Variants in LDLRAD4 observed in about 807,000 individuals in gnomAD.
LDLRAD4 encodes the protein low-density lipoprotein receptor class A domain-containing protein 4.
Under a neutral mutation model 17.0 loss-of-function variants are expected in LDLRAD4, and 5 were observed. The ratio of observed to expected loss-of-function variants is 0.29; its 90% CI spans 0.15 to 0.62. LDLRAD4 has a LOEUF of 0.62. Among genes scored for constraint, LDLRAD4 ranks in the 20% least tolerant of loss-of-function variants. LDLRAD4 has a pLI of 0.84. For missense variants in LDLRAD4, 340 were observed against 424.7 expected (o/e 0.80, Z 1.75); for synonymous variants, 168 against 171.8 (o/e 0.98, Z 0.17).
rs1354443316 is a variant in LDLRAD4 at position 13,588,651 on chromosome 18, G to A, written c.182-32466G>A. Among the ~76,000 whole-genome samples, 4 of 151,992 alleles carry A rather than the reference G, an allele frequency of 2.6e-5. No individual in the cohort carries two copies. The South Asian group carries it at 6.2e-4, about 24-fold the overall frequency. ...TCCTTTTCTCCCTCTGCTACTCGCCGGGTGTTTTTGTACGCAGCTTCCATT... is the reference window on the plus strand; with the variant it reads ...TCCTTTTCTCCCTCTGCTACTCGCCAGGTGTTTTTGTACGCAGCTTCCATT... On this transcript the variant is annotated intron_variant, in intron 3 of 5. Transcript: ENST00000359446.
At chr18:13,324,389 G>A (rs2081408809) in intron 1 of LDLRAD4, among the ~76,000 whole-genome samples, 1 of 151,956 alleles carries the variant, frequency 6.6e-6, no homozygotes. Context: ...TGATCCGCCT[G>A]CCTTGGCCTC....
intron 3 of LDLRAD4, among the ~76,000 whole-genome samples, chr18:13,530,479 G>A (rs1270468118): frequency 1.3e-5 from 2 of 152,216 alleles, no homozygotes; most frequent in African/African-American, 2.4e-5. Flanking sequence ...CTTGGGCAGC[G>A]TGTCCTTCTA....
At chr18:13,610,305 T>TTTTTTTTTTTTCTTTTTTTTTTTTC (rs1491536129) in intron 3 of LDLRAD4, among the ~76,000 whole-genome samples, 1 of 24,328 alleles carries the variant, frequency 4.1e-5, no homozygotes, top group Non-Finnish European at 8.7e-5. Flanking sequence ...TTTTTTTTTT[T>TTTTTTTTTTTTCTTTTTTTTTTTTC]GAGACGGAGT....
intron 3 of LDLRAD4, among the ~76,000 whole-genome samples, chr18:13,553,720 G>C (rs924257327): frequency 6.6e-6 from 1 of 152,066 alleles, no homozygotes; most frequent in Non-Finnish European, 1.5e-5. Flanking sequence ...GCTGATAACC[G>C]CGTCTGTCCT....
intron 3 of LDLRAD4, among the ~76,000 whole-genome samples, chr18:13,477,972 T>A (rs890119337): frequency 2.6e-5 from 4 of 152,258 alleles, no homozygotes; most frequent in Non-Finnish European, 5.9e-5. Context: ...CAAAGGCAGG[T>A]GCTTTTTACT....
At chr18:13,299,175 A>G (rs2046442702) in intron 1 of LDLRAD4, among the ~76,000 whole-genome samples, 1 of 152,236 alleles carries the variant, frequency 6.6e-6, no homozygotes, top group Non-Finnish European at 1.5e-5. Context: ...TGGATGGTGG[A>G]CGGGGTGACT....
At position 13,423,370 on chromosome 18, in the gene LDLRAD4, G is replaced by A. The variant is rs143671603; in HGVS notation, c.41-14874G>A. On this transcript the variant is annotated intron_variant, in intron 2 of 5. Coordinates refer to ENST00000359446, the Ensembl canonical transcript of LDLRAD4. ...TAGCCAGGCATGGTGGCGGGCTCCT[G>A]TAATCCTAGCTACTTAGGAAGCTGA... Among the ~76,000 whole-genome samples the A allele has an allele frequency of 5.9e-5, 9 of 152,056 alleles. No individual in the cohort carries two copies. The East Asian group carries it at 1.5e-3, about 26-fold the overall frequency.
At chr18:13,405,591 T>C (rs1229965981) in intron 2 of LDLRAD4, among the ~76,000 whole-genome samples, 3 of 150,732 alleles carry the variant, frequency 2.0e-5, no homozygotes, top group Non-Finnish European at 4.4e-5. Flanking sequence ...CCACCATGCC[T>C]GGCTAATTAA....
chr18:13,560,483 G>A (rs2148200235), intron 3 of LDLRAD4, among the ~76,000 whole-genome samples: 1 of 152,294 alleles, frequency 6.6e-6, no homozygotes, highest in Middle Eastern at 3.4e-3. Flanking sequence ...GGGATGACGG[G>A]GGCTGATGTC....
intron 3 of LDLRAD4, among the ~76,000 whole-genome samples, chr18:13,481,908 G>A (rs997974959): frequency 1.3e-5 from 2 of 152,142 alleles, no homozygotes; most frequent in Non-Finnish European, 2.9e-5. Flanking sequence ...GCAGGAGGGG[G>A]AAGGCAGAAG....
At chr18:13,443,855 G>A in intron 3 of LDLRAD4, among the ~76,000 whole-genome samples, 1 of 152,096 alleles carries the variant, frequency 6.6e-6, no homozygotes, top group East Asian at 1.9e-4. Context: ...CACCATTCCT[G>A]CCACGTGGTA....
At chr18:13,549,315 A>G (rs559480184) in intron 3 of LDLRAD4, among the ~76,000 whole-genome samples, 27 of 152,308 alleles carry the variant, frequency 1.8e-4, no homozygotes, top group African/African-American at 6.5e-4. Context: ...GGCTAAAACC[A>G]TAATGAAAAC....
chr18:13,471,915 T>C (rs1442501115), intron 3 of LDLRAD4: 1 of 152,248 alleles, frequency 6.6e-6, no homozygotes, highest in African/African-American at 2.4e-5. Context: ...TAATATCTAA[T>C]TGTTCCCAGA....
At chr18:13,535,361 T>G (rs1396069863) in intron 3 of LDLRAD4, among the ~76,000 whole-genome samples, 2 of 152,304 alleles carry the variant, frequency 1.3e-5, no homozygotes, top group Non-Finnish European at 2.9e-5. Flanking sequence ...CTTTAGTCAT[T>G]CTGGTGGTTG....
chr18:13,332,954 A>T (rs528785657), intron 1 of LDLRAD4, among the ~76,000 whole-genome samples: 3 of 152,282 alleles, frequency 2.0e-5, no homozygotes, highest in Admixed American at 1.3e-4. Context: ...GCTGGATCAT[A>T]TGCTAAGAGT....
chr18:13,398,131 C>T lies in LDLRAD4; in HGVS notation c.40+10369C>T, dbSNP rs1258833185. The stretch of plus-strand genomic sequence containing the variant: ...GCTGTCTCAGATCCTCCCACTGTGG[C>T]GTTTCCTTCAGAACCGAGTTGGGGC... On this transcript the variant is annotated intron_variant, in intron 2 of 5. Coordinates refer to ENST00000359446, the Ensembl canonical transcript of LDLRAD4. The surrounding 1 kb of genome is among the most constrained non-coding windows in gnomAD (Gnocchi z 4.8). 6.6e-6 allele frequency among the ~76,000 whole-genome samples: 1 copy of T among 152,164 alleles called. No individual in the cohort carries two copies. Among genetic ancestry groups the T allele is most frequent in the African/African-American group, 2.4e-5 (1 of 41,428 alleles).
chr18:13,285,696 C>T (rs2045582466), intron 1 of LDLRAD4, among the ~76,000 whole-genome samples: 1 of 152,014 alleles, frequency 6.6e-6, no homozygotes, highest in Non-Finnish European at 1.5e-5. Flanking sequence ...TTTGCTGGGG[C>T]TGTCCACATT....
intron 3 of LDLRAD4, among the ~76,000 whole-genome samples, chr18:13,516,508 C>T (rs892989901): frequency 5.9e-5 from 9 of 152,172 alleles, no homozygotes; most frequent in Admixed American, 3.9e-4. Flanking sequence ...ACTCTGGTAG[C>T]GCCCTCCTTC....
intron 3 of LDLRAD4, among the ~76,000 whole-genome samples, chr18:13,589,771 G>A (rs528000771): frequency 6.6e-6 from 1 of 152,358 alleles, no homozygotes; most frequent in East Asian, 1.9e-4. Context: ...GAAGGGAGAA[G>A]AGGGTTTGGG....
Sources: gnomAD v4.1 joint callset for allele counts (sites outside exome capture counted in the v4.1 genomes callset) on GRCh38, gnomAD v4.1.1 for gene constraint, Gnocchi (gnomAD v3.1) non-coding constraint, MANE v1.5 for transcripts, NCBI Gene and HGNC (gene_info 2026-07-23, HGNC 2026-07-21) for gene names.